The following HMCN1 variants were observed in gnomAD, a reference collection of about 807,000 sequenced individuals.
HMCN1 encodes hemicentin 1, also known as hemicentin-1.
Under a neutral mutation model 625.9 loss-of-function variants are expected in HMCN1, and 321 were observed. The ratio of observed to expected loss-of-function variants is 0.51; its 90% CI spans 0.47 to 0.56. HMCN1 has a LOEUF of 0.56. Ranked by LOEUF, HMCN1 falls within the 20% of genes least tolerant of loss-of-function variation. HMCN1 has a pLI of 0.00. For missense variants in HMCN1, 6,588 were observed against 6,887.3 expected (o/e 0.96, Z 1.54); for synonymous variants, 2,425 against 2,417.6 (o/e 1.00, Z -0.09).
At chr1:185,870,080 CT>C (rs1663517330) in intron 4 of HMCN1, among the ~76,000 whole-genome samples, 2 of 147,526 alleles carry the variant, frequency 1.4e-5, no homozygotes, top group South Asian at 4.3e-4. Context: ...ACTGTTTCAT[CT>C]TTATTTAACA....
chr1:186,087,175 A>C (rs1558211336), intron 58 of HMCN1, 42 bp from the exon 59 acceptor site: 1 of 1,235,200 alleles, frequency 8.1e-7, no homozygotes, highest in Non-Finnish European at 1.2e-6. Context: ...TGTTAGAACA[A>C]CCTGTATACC....
chr1:186,164,729 T>G (rs1651767992), intron 97 of HMCN1, among the ~76,000 whole-genome samples: 1 of 152,232 alleles, frequency 6.6e-6, no homozygotes, highest in Non-Finnish European at 1.5e-5. Context: ...TATTTTAAGT[T>G]GCTTGAAAAC....
In HMCN1 at chr1:185,982,473, T is replaced by C. The variant is rs1262839932; in HGVS notation, c.2790+84T>C. The C allele has an allele frequency of 3.9e-6, 5 of 1,296,574 alleles. No individual in the cohort carries two copies. The Admixed American group carries it at 5.6e-5, about 15-fold the overall frequency. 80.3% of individuals were successfully genotyped at this position (1,296,574 alleles called of 1,614,324 possible). On this transcript the variant is annotated intron_variant, in intron 18 of 106. Transcript: ENST00000271588. ...TTTTTTTTTCTTTGAGACAGTTTCATTCTGTCACCTAGGCTGGAGTGCAGT... is the reference window on the plus strand; with the variant it reads ...TTTTTTTTTCTTTGAGACAGTTTCACTCTGTCACCTAGGCTGGAGTGCAGT...
chr1:186,108,666 C>A (rs1277580583), intron 71 of HMCN1, 69 bp downstream of exon 71: 1 of 1,569,016 alleles, frequency 6.4e-7, no homozygotes, highest in African/African-American at 1.4e-5. Flanking sequence ...AGCTCTAGGG[C>A]CTTTGCTGGG....
chr1:186,113,836 A>G, intron 72 of HMCN1, 143 bp from the exon 73 acceptor site: 1 of 931,262 alleles, frequency 1.1e-6, no homozygotes, highest in Non-Finnish European at 1.7e-6. Flanking sequence ...ATTAAACCTC[A>G]ATTCTACTTA....
chr1:185,967,571 T>C (rs894302414), intron 14 of HMCN1, among the ~76,000 whole-genome samples: 6 of 152,012 alleles, frequency 3.9e-5, no homozygotes, highest in Non-Finnish European at 8.8e-5. Flanking sequence ...TCAACTAACA[T>C]ACCCTCCCAA....
chr1:186,067,780 A>C (rs961643782), intron 49 of HMCN1, 54 bp from the exon 50 acceptor site: 35 of 1,260,024 alleles, frequency 2.8e-5, no homozygotes, highest in Non-Finnish European at 4.1e-5. Context: ...TTAGAAATGC[A>C]CAAATATACA....
chr1:185,818,041 A>G (rs1338455722), intron 1 of HMCN1, among the ~76,000 whole-genome samples: 1 of 151,944 alleles, frequency 6.6e-6, no homozygotes, highest in East Asian at 1.9e-4. Flanking sequence ...AACTTATATT[A>G]TTTATTATTT....
intron 46 of HMCN1, among the ~76,000 whole-genome samples, chr1:186,059,649 A>G (rs1185374354): frequency 6.6e-6 from 1 of 152,068 alleles, no homozygotes; most frequent in Non-Finnish European, 1.5e-5. Context: ...AGTCTCCTGT[A>G]CATGCCTATT....
intron 91 of HMCN1, 45 bp from the exon 92 acceptor site, chr1:186,145,358 C>T (rs1650243596): frequency 1.3e-6 from 2 of 1,507,878 alleles, no homozygotes; most frequent in Non-Finnish European, 8.9e-7. Flanking sequence ...GACCACTTCT[C>T]ATTTTAGGGG....
At chr1:186,003,924 CTT>C (rs1653368750) in intron 29 of HMCN1, 80 bp downstream of exon 29, 1 of 1,351,868 alleles carries the variant, frequency 7.4e-7, no homozygotes, top group Admixed American at 1.7e-5. Flanking sequence ...TTTTCTCCCT[CTT>C]AATTATTTTA....
At chr1:186,139,604 T>A (rs1196590146) in intron 89 of HMCN1, among the ~76,000 whole-genome samples, 2 of 150,518 alleles carry the variant, frequency 1.3e-5, no homozygotes, top group Non-Finnish European at 2.9e-5. Context: ...CTTGTTTTTT[T>A]TTTTTTTAAA....
rs777829214 is a variant in HMCN1, at chr1:185,965,808, C to G, written c.2105C>G (p.Pro702Arg). ...GCGTTTTTGTTTTTTTCAGAAGCCCCTAAGTTGATGGTAGTTCAGAGTGAG... is the reference window on the plus strand; with the variant it reads ...GCGTTTTTGTTTTTTTCAGAAGCCCGTAAGTTGATGGTAGTTCAGAGTGAG... ...QNSTLRYIEA[P>R]KLMVVQSELL... is the part of the protein sequence containing the mutation. The change falls in exon 14 of 107, where the codon CCT (proline) becomes CGT (arginine). Residue 702 changes from proline to arginine, a missense_variant. Around this residue, in one of 3 missense-constraint regions of HMCN1, gnomAD observed 4,628 missense variants for 4,853.1 expected, o/e 0.95. Transcript: ENST00000271588. The G allele has an allele frequency of 6.2e-7, 1 of 1,602,430 alleles. No individual in the cohort carries two copies. Among genetic ancestry groups the G allele is most frequent in the Non-Finnish European group, 8.5e-7 (1 of 1,169,596 alleles).
intron 30 of HMCN1, among the ~76,000 whole-genome samples, chr1:186,010,078 G>A (rs570297093): frequency 6.6e-6 from 1 of 152,184 alleles, no homozygotes; most frequent in African/African-American, 2.4e-5. Flanking sequence ...CTGCTGTAGG[G>A]CCCAGTTCCT....
chr1:186,108,315 C>T, intron 70 of HMCN1, 146 bp from the exon 71 acceptor site: 1 of 1,290,074 alleles, frequency 7.8e-7, no homozygotes, highest in Non-Finnish European at 1.1e-6. Flanking sequence ...AAAAACACTT[C>T]CCACTGTTTG....
intron 1 of HMCN1, among the ~76,000 whole-genome samples, chr1:185,736,158 C>T (rs931356018): frequency 6.6e-6 from 1 of 152,042 alleles, no homozygotes; most frequent in African/African-American, 2.4e-5. Context: ...AACAATGGCA[C>T]TGGGAGAAAT....
In HMCN1 at chr1:186,166,287, T is replaced by C. The variant is rs917202056; in HGVS notation, c.15423T>C (p.Asp5141=). ...CTAAAGGCCTCACCATAGCTGCAGA[T>C]GGAAGAACTTGTCAAGGTATTCACA... ...SCPKGLTIAA[D]GRTCQDIDEC... is the part of the protein sequence containing the mutation. Residue 5141 remains aspartate (D), a synonymous_variant, in exon 99 of 107, where the codon GAT becomes GAC. Transcript: ENST00000271588. The C allele has an allele frequency of 9.3e-6, 15 of 1,614,032 alleles. No homozygotes were observed. The highest frequency in any genetic ancestry group is 1.3e-5 in the African/African-American group (1 of 74,936).
chr1:185,839,656 T>C (rs1403313852), intron 1 of HMCN1, among the ~76,000 whole-genome samples: 1 of 152,186 alleles, frequency 6.6e-6, no homozygotes, highest in Non-Finnish European at 1.5e-5. Flanking sequence ...TCCTACTCTA[T>C]ATACCTCAAA....
At chr1:185,883,103 G>A (rs1373783975) in intron 4 of HMCN1, among the ~76,000 whole-genome samples, 1 of 152,040 alleles carries the variant, frequency 6.6e-6, no homozygotes, top group Non-Finnish European at 1.5e-5. Flanking sequence ...TGAAAAGAAT[G>A]AGTGAGTGAA....
Sources: gnomAD v4.1 joint callset for allele counts (sites outside exome capture counted in the v4.1 genomes callset) on GRCh38, gnomAD v4.1.1 for gene constraint, gnomAD v4.1.1 regional missense constraint, MANE v1.5 for transcripts, NCBI Gene and HGNC (gene_info 2026-07-23, HGNC 2026-07-21) for gene names.